CYGB: variants seen among roughly 807,000 people sequenced by gnomAD.
The protein encoded by CYGB is cytoglobin.
CYGB carries 13 observed loss-of-function variants against 20.7 expected under a neutral mutation model. The observed-to-expected ratio is 0.63, with a 90% confidence interval of 0.41 to 1.00. The LOEUF is 1.00. Among genes scored for constraint, CYGB ranks in the 50% least tolerant of loss-of-function variants. The probability of loss-of-function intolerance (pLI) is 0.00; values close to 1 mark genes in which losing one functional copy is unlikely to be tolerated. For synonymous variants in CYGB, 93 were observed against 107.4 expected, an observed-to-expected ratio of 0.87 and a Z score of 0.83; for missense variants, 218 against 257.2, an observed-to-expected ratio of 0.85 and a Z score of 1.04.
chr17:76,527,470 A>G lies in CYGB; in HGVS notation c.*1108T>C. The G allele has an allele frequency of 2.6e-6, 1 of 388,132 alleles. No individual in the cohort carries two copies. The highest frequency in any genetic ancestry group is 2.1e-5 in the African/African-American group (1 of 47,850). The allele number at this position is 388,132 out of a possible 1,614,324, so 24.0% of individuals were successfully genotyped here. A position where few individuals can be genotyped will look rare whatever the true frequency, so the allele number is the denominator to read the frequency against. ...GAGGATGAGGATGAAGATGAGGATG[A>G]GGATGGGCCAGGAGGGGACACAGCA... is the stretch of plus-strand genomic sequence containing the variant. On this transcript the variant is annotated 3_prime_UTR_variant, in exon 4 of 4. Coordinates refer to ENST00000293230, the MANE Select transcript of CYGB (RefSeq NM_134268.5).
rs566395398 is a variant in CYGB, at chr17:76,543,971, C to T, written c.-53+6891G>A. On this transcript the variant is annotated intron_variant, in intron 1 of 3. Coordinates refer to the CYGB transcript ENST00000589145. ...CGCGTGTGTTCCAAACGGGCAGTAG[C>T]GTGTGGGAAGGAAAAAGCCTGACAC... The T allele has an allele frequency of 7.3e-5, 34 of 464,914 alleles. No individual in the cohort carries two copies. The East Asian group carries it at 1.5e-3, about 21-fold the overall frequency. 28.8% of individuals were successfully genotyped at this position (464,914 alleles called of 1,614,324 possible).
intron 1 of CYGB, among the ~76,000 whole-genome samples, chr17:76,547,860 CACATAT>C (rs2075068931): frequency 1.3e-5 from 2 of 151,034 alleles, no homozygotes; most frequent in African/African-American, 2.4e-5. Flanking sequence ...CACAGACATA[CACATAT>C]ACATATTCAC....
upstream of CYGB, chr17:76,540,477 T>A (rs748628692): frequency 6.2e-7 from 1 of 1,612,130 alleles, no homozygotes; most frequent in Non-Finnish European, 8.5e-7. This position sits in a 1 kb window ranked among gnomAD's most constrained non-coding sequence, Gnocchi z 5.0. Flanking sequence ...CAGCCATAGC[T>A]CTTCCTCCCT....
At chr17:76,542,533 C>T (rs371456834), upstream of CYGB, 84 of 1,614,054 alleles carry the variant, frequency 5.2e-5, no homozygotes, top group Non-Finnish European at 6.6e-5. Flanking sequence ...ATCCTGACCC[C>T]AGTGCTTTCC....
intron 1 of CYGB, among the ~76,000 whole-genome samples, chr17:76,536,626 C>A (rs2074916897): frequency 6.6e-6 from 1 of 152,148 alleles, no homozygotes; most frequent in South Asian, 2.1e-4. Flanking sequence ...GAACGGGGCG[C>A]TCTGTGTTTG....
chr17:76,549,729 TACTC>T (rs2075088825), intron 1 of CYGB, among the ~76,000 whole-genome samples: 1 of 152,128 alleles, frequency 6.6e-6, no homozygotes, highest in African/African-American at 2.4e-5. Context: ...GATAGAATAA[TACTC>T]AGCAATGAAA....
chr17:76,531,451 G>T lies in CYGB; in HGVS notation c.375+9C>A, dbSNP rs1222318265. The T allele has an allele frequency of 6.2e-7, 1 of 1,600,488 alleles. No homozygotes were observed. Among genetic ancestry groups the T allele is most frequent in the East Asian group, 2.2e-5 (1 of 44,448 alleles). ...CGGTGGGGGCTCTGCAGCAGATGGG[G>T]GCGCATACCTTGAAGTACACCGGTT... On this transcript the variant is annotated intron_variant, in intron 2 of 3. Transcript: ENST00000293230. This position sits in a 1 kb window ranked among gnomAD's most constrained non-coding sequence, Gnocchi z 7.4.
In CYGB at chr17:76,531,679, G is replaced by A. The variant is rs1444894939; in HGVS notation, c.156C>T (p.Asn52=). Residue 52 remains asparagine (N), a synonymous_variant, in exon 2 of 4, where the codon AAC becomes AAT. Coordinates refer to ENST00000293230, the MANE Select transcript of CYGB (RefSeq NM_134268.5). This position sits in a 1 kb window ranked among gnomAD's most constrained non-coding sequence, Gnocchi z 7.4. ...TGAAGTACTGCTTGGCCGAGGGGAA[G>A]TTCACAAAGAACCTGGCAAGAGGAA... ...GVAILVRFFV[N]FPSAKQYFSQ... 8.2e-6 allele frequency: 13 copies of A among 1,594,706 alleles called. No homozygotes were observed. Among genetic ancestry groups the A allele is most frequent in the Non-Finnish European group, 1.1e-5 (13 of 1,164,382 alleles).
upstream of CYGB, among the ~76,000 whole-genome samples, chr17:76,541,544 C>A (rs2074993787): frequency 2.0e-5 from 3 of 152,110 alleles, no homozygotes; most frequent in Non-Finnish European, 4.4e-5. Flanking sequence ...TCGTCTGAGT[C>A]CTGGGATTCT....
intron 1 of CYGB, 115 bp downstream of exon 1, chr17:76,537,285 C>A (rs2074928003): frequency 4.1e-6 from 5 of 1,223,730 alleles, no homozygotes; most frequent in Non-Finnish European, 5.3e-6. Context: ...TCGGACCGGC[C>A]CCATTCGCGG....
chr17:76,534,533 G>A (rs2143105907), intron 1 of CYGB, among the ~76,000 whole-genome samples: 1 of 152,306 alleles, frequency 6.6e-6, no homozygotes, highest in African/African-American at 2.4e-5. Flanking sequence ...TTTTACTGAT[G>A]AGGAAACAAC....
chr17:76,540,044 A>G (rs2074967280), upstream of CYGB: 3 of 1,275,222 alleles, frequency 2.4e-6, no homozygotes, highest in Non-Finnish European at 1.1e-6. The surrounding 1 kb of genome is among the most constrained non-coding windows in gnomAD (Gnocchi z 5.0). Context: ...ACCGCAGGAC[A>G]GACGGCAGTG....
At chr17:76,542,899 T>C (rs988777011) in intron 1 of CYGB, 6 of 588,212 alleles carry the variant, frequency 1.0e-5, no homozygotes, top group African/African-American at 1.8e-5. Context: ...GAGGTGGTCG[T>C]GCTGGGGCAT....
Position 76,531,501 on chromosome 17 carries a change from C to CT in CYGB, c.333dup (p.Ala112SerfsTer31). On this transcript the variant is annotated frameshift_variant, in exon 2 of 4. Transcript: ENST00000293230. LOFTEE classifies it high-confidence loss of function. The surrounding 1 kb of genome is among the most constrained non-coding windows in gnomAD (Gnocchi z 7.4). Reference sequence around the variant, plus strand: ...TCCACCTTGTGCTTGAGGGCGTGGGCTTTCCCCACAAGGGCGAGCACAGAG... The same window carrying CT: ...TCCACCTTGTGCTTGAGGGCGTGGGCTTTTCCCCACAAGGGCGAGCACAGAG... The CT allele has an allele frequency of 6.2e-7, 1 of 1,613,342 alleles. No homozygotes were observed.
At position 76,528,015 on chromosome 17, in the gene CYGB, A is replaced by G; in HGVS notation, c.*563T>C. On this transcript the variant is annotated 3_prime_UTR_variant, in exon 4 of 4. Coordinates refer to ENST00000293230, the MANE Select transcript of CYGB (RefSeq NM_134268.5). The surrounding 1 kb of genome is among the most constrained non-coding windows in gnomAD (Gnocchi z 5.8). ...GCTGTGGGATTTCCTCTTTGCCAGA[A>G]CACTCTGTTCTCTGCACAACCGGAA... 2.7e-6 allele frequency: 1 copy of G among 364,846 alleles called. No individual in the cohort carries two copies. Among genetic ancestry groups the G allele is most frequent in the Non-Finnish European group, 5.4e-6 (1 of 185,214 alleles). 22.6% of individuals were successfully genotyped at this position (364,846 alleles called of 1,614,324 possible).
Position 76,531,003 on chromosome 17 carries a change from A to G in CYGB, c.515T>C (p.Val172Ala), listed in dbSNP as rs2074832084. ...VTAAYKEVGW[V>A]QQVPNATTPP... The stretch of plus-strand genomic sequence containing the variant: ...CGTGGTGGCGTTGGGGACCTGCTGC[A>G]CCCAGCCCACTTCCTTGTAGGCAGC... The change falls in exon 3 of 4, where the codon GTG becomes GCG. Residue 172 changes from valine (V) to alanine (A), a missense_variant. This residue lies in a region of CYGB where 66 missense variants were observed against 107.4 expected (regional missense o/e 0.61). Coordinates refer to ENST00000293230, the MANE Select transcript of CYGB (RefSeq NM_134268.5). The surrounding 1 kb of genome is among the most constrained non-coding windows in gnomAD (Gnocchi z 7.4). The G allele has an allele frequency of 6.2e-7, 1 of 1,611,480 alleles. No homozygotes were observed. Among genetic ancestry groups the G allele is most frequent in the African/African-American group, 1.3e-5 (1 of 74,778 alleles).
At chr17:76,536,577 A>C (rs932559768) in intron 1 of CYGB, among the ~76,000 whole-genome samples, 2 of 152,136 alleles carry the variant, frequency 1.3e-5, no homozygotes, top group African/African-American at 4.8e-5. Flanking sequence ...CATCACCTCT[A>C]TAAGGATGGT....
Position 76,531,238 on chromosome 17 carries a change from T to G in CYGB, c.376-96A>C. 7.3e-7 allele frequency: 1 copy of G among 1,374,906 alleles called. No homozygotes were observed. The highest frequency in any genetic ancestry group is 2.1e-5 in the Admixed American group (1 of 46,936). 85.2% of individuals were successfully genotyped at this position (1,374,906 alleles called of 1,614,324 possible). A position where few individuals can be genotyped will look rare whatever the true frequency, so the allele number is the denominator to read the frequency against. On this transcript the variant is annotated intron_variant, in intron 2 of 3. Transcript: ENST00000293230. This position sits in a 1 kb window ranked among gnomAD's most constrained non-coding sequence, Gnocchi z 7.4. ...GCCCCACGTGTGGCCGAGAGGATCA[T>G]TCCTAACGCAACAGTCTGGCAGCTT... is the stretch of plus-strand genomic sequence containing the variant.
chr17:76,529,847 A>G (rs1043213640), intron 3 of CYGB: 1 of 984,994 alleles, frequency 1.0e-6, no homozygotes, highest in Non-Finnish European at 1.2e-6. Flanking sequence ...GCACATCTGG[A>G]GTTGGCTTGG....
Sources: allele counts gnomAD v4.1 joint callset (sites outside exome capture counted in the v4.1 genomes callset), GRCh38; gene constraint gnomAD v4.1.1; regional missense constraint gnomAD v4.1.1; non-coding constraint Gnocchi (gnomAD v3.1); transcripts MANE v1.5; gene names NCBI Gene and HGNC (gene_info 2026-07-23, HGNC 2026-07-21).